LAMP3: variants seen among roughly 807,000 people sequenced by gnomAD.
LAMP3 encodes lysosome associated membrane protein 3.
A neutral mutation model predicts 34.8 loss-of-function variants in LAMP3; 26 were observed. That is an observed-to-expected ratio of 0.75 (90% confidence interval 0.55 to 1.04). The LOEUF is 1.04. Ranked by LOEUF, LAMP3 falls within the 50% of genes least tolerant of loss-of-function variation. The probability of loss-of-function intolerance (pLI) is 0.00; values close to 1 mark genes in which losing one functional copy is unlikely to be tolerated. For missense variants in LAMP3, 495 were observed against 524.0 expected, an observed-to-expected ratio of 0.94 and a Z score of 0.54; for synonymous variants, 180 against 201.9, an observed-to-expected ratio of 0.89 and a Z score of 0.92.
intron 5 of LAMP3, among the ~76,000 whole-genome samples, chr3:183,127,499 A>C (rs967953957): frequency 3.3e-5 from 5 of 152,012 alleles, no homozygotes; most frequent in African/African-American, 1.2e-4. Context: ...TTTAAAAAGT[A>C]AACTGATTTT....
intron 3 of LAMP3, among the ~76,000 whole-genome samples, chr3:183,148,053 A>G (rs565119425): frequency 6.6e-6 from 1 of 152,202 alleles, no homozygotes; most frequent in South Asian, 2.1e-4. Context: ...AAAGGTGCCA[A>G]GAACATACAT....
intron 3 of LAMP3, among the ~76,000 whole-genome samples, chr3:183,144,425 T>A (rs1720378705): frequency 1.3e-5 from 2 of 152,042 alleles, no homozygotes; most frequent in African/African-American, 2.4e-5. Context: ...GAGGAGGAAG[T>A]CTCTCATTTT....
intron 3 of LAMP3, among the ~76,000 whole-genome samples, chr3:183,150,253 C>T (rs1720589630): frequency 6.6e-6 from 1 of 152,124 alleles, no homozygotes; most frequent in Non-Finnish European, 1.5e-5. Context: ...AAGGCAGGGA[C>T]TCAACACTTG....
At chr3:183,130,841 CT>C (rs948577699) in intron 5 of LAMP3, among the ~76,000 whole-genome samples, 41 of 150,350 alleles carry the variant, frequency 2.7e-4, no homozygotes, top group African/African-American at 6.8e-4. Context: ...GCAACCCACT[CT>C]TTTTTTTTTC....
intron 5 of LAMP3, chr3:183,132,648 G>A: frequency 1.0e-6 from 1 of 985,368 alleles, no homozygotes; most frequent in Non-Finnish European, 1.2e-6. Flanking sequence ...AAGTAGGGGA[G>A]GTGCTGTTTC....
chr3:183,154,535 A>G (rs962335374), intron 1 of LAMP3, 144 bp from the exon 2 acceptor site: 4 of 645,548 alleles, frequency 6.2e-6, no homozygotes, highest in Admixed American at 2.9e-5. Flanking sequence ...GGGTACAACA[A>G]TGAAGCAAAC....
chr3:183,160,270 G>A (rs1442736911), intron 1 of LAMP3, among the ~76,000 whole-genome samples: 6 of 152,176 alleles, frequency 3.9e-5, no homozygotes, highest in Admixed American at 6.5e-5. Flanking sequence ...CAAAAGCTCC[G>A]TCTCTCCTAG....
chr3:183,161,612 CT>C (rs571749427), intron 1 of LAMP3, among the ~76,000 whole-genome samples: 4 of 152,068 alleles, frequency 2.6e-5, no homozygotes, highest in African/African-American at 9.6e-5. Context: ...TAGTCTCGAA[CT>C]CCTGACCTCA....
At chr3:183,137,800 A>T (rs1720144442) in intron 4 of LAMP3, among the ~76,000 whole-genome samples, 2 of 150,844 alleles carry the variant, frequency 1.3e-5, no homozygotes, top group Non-Finnish European at 3.0e-5. Context: ...TTAATTTTTG[A>T]TCAGACTTCC....
At chr3:183,149,206 G>T (rs1720535749) in intron 3 of LAMP3, among the ~76,000 whole-genome samples, 1 of 151,894 alleles carries the variant, frequency 6.6e-6, no homozygotes, top group African/African-American at 2.4e-5. Flanking sequence ...AGGGTAATGG[G>T]TGGGGTGGGG....
intron 1 of LAMP3, 47 bp downstream of exon 1, chr3:183,162,560 G>C (rs1360098895): frequency 6.5e-7 from 1 of 1,536,842 alleles, no homozygotes; most frequent in African/African-American, 1.4e-5. Context: ...AGATGAAAGG[G>C]GACCGACACG....
rs1719721149 is a variant in LAMP3, at chr3:183,123,776, A to G, written c.*305T>C. 1 of 301,692 alleles carries G rather than the reference A, an allele frequency of 3.3e-6. No homozygotes were observed. Among genetic ancestry groups the G allele is most frequent in the Admixed American group, 4.9e-5 (1 of 20,438 alleles). The allele number at this position is 301,692 out of a possible 1,614,324, so 18.7% of individuals were successfully genotyped here. A position where few individuals can be genotyped will look rare whatever the true frequency, so the allele number is the denominator to read the frequency against. On this transcript the variant is annotated 3_prime_UTR_variant, in exon 6 of 6. Transcript: ENST00000265598. Reference sequence around the variant, plus strand: ...CCCTTGGTTTATAATTTGAAGGCTTATTCTACTTTACATATATTATGTTAA... The same window carrying G: ...CCCTTGGTTTATAATTTGAAGGCTTGTTCTACTTTACATATATTATGTTAA...
At chr3:183,125,882 C>A (rs920197064) in intron 5 of LAMP3, among the ~76,000 whole-genome samples, 2 of 152,030 alleles carry the variant, frequency 1.3e-5, no homozygotes, top group African/African-American at 4.8e-5. Flanking sequence ...GCTATGTGGC[C>A]CAGGCTGGTT....
intron 3 of LAMP3, among the ~76,000 whole-genome samples, chr3:183,144,434 T>C (rs1383743728): frequency 2.0e-5 from 3 of 152,168 alleles, no homozygotes; most frequent in African/African-American, 7.2e-5. Context: ...GTCTCTCATT[T>C]TACCTGAAGT....
chr3:183,145,885 C>T (rs531327191), intron 3 of LAMP3, among the ~76,000 whole-genome samples: 12 of 152,164 alleles, frequency 7.9e-5, no homozygotes, highest in Admixed American at 7.2e-4. Context: ...CAAAACCCTA[C>T]AGATTGAAAG....
In LAMP3 at chr3:183,123,894, CAA is replaced by C; in HGVS notation, c.*185_*186del. 1.7e-6 allele frequency: 1 copy of C among 573,552 alleles called. No individual in the cohort carries two copies. The highest frequency in any genetic ancestry group is 3.6e-5 in the Admixed American group (1 of 27,704). 35.5% of individuals were successfully genotyped at this position (573,552 alleles called of 1,614,324 possible). ...CTCACTATATCTTTCATAAAATAAA[CAA>C]AAAGTATTTAGAAATTGATGTGCTG... On this transcript the variant is annotated 3_prime_UTR_variant, in exon 6 of 6. Coordinates refer to ENST00000265598, the MANE Select transcript of LAMP3 (RefSeq NM_014398.4).
chr3:183,144,517 G>A (rs1720382312), intron 3 of LAMP3, among the ~76,000 whole-genome samples: 1 of 152,094 alleles, frequency 6.6e-6, no homozygotes, highest in Non-Finnish European at 1.5e-5. Flanking sequence ...TAAAGGAGCT[G>A]AGGGGTGGGA....
chr3:183,132,832 T>C, intron 5 of LAMP3: 1 of 985,434 alleles, frequency 1.0e-6, no homozygotes, highest in Non-Finnish European at 1.2e-6. Context: ...TGCGTTCATA[T>C]CCTCTACTGG....
intron 1 of LAMP3, among the ~76,000 whole-genome samples, chr3:183,157,186 G>T (rs1049279302): frequency 2.6e-5 from 4 of 152,160 alleles, no homozygotes; most frequent in Non-Finnish European, 5.9e-5. Context: ...TAAAAAGACC[G>T]ATGACTATTA....
Sources: gnomAD v4.1 joint callset for allele counts (sites outside exome capture counted in the v4.1 genomes callset) on GRCh38, gnomAD v4.1.1 for gene constraint, MANE v1.5 for transcripts, NCBI Gene and HGNC (gene_info 2026-07-23, HGNC 2026-07-21) for gene names.